Variants in ZNF804B observed in about 807,000 individuals in gnomAD.
The protein encoded by ZNF804B is zinc finger protein 804B.
A neutral mutation model predicts 101.4 loss-of-function variants in ZNF804B; 80 were observed. The ratio of observed to expected loss-of-function variants is 0.79; its 90% confidence interval spans 0.66 to 0.95. The LOEUF (loss-of-function observed/expected upper bound fraction) is 0.95, where lower values mean the gene tolerates loss of function less well. Ranked by LOEUF, ZNF804B falls within the 40% of genes least tolerant of loss-of-function variation. The probability of loss-of-function intolerance (pLI) is 0.00; values close to 1 mark genes in which losing one functional copy is unlikely to be tolerated. For missense variants in ZNF804B, 1,673 were observed against 1,561.9 expected (o/e 1.07, Z -1.20); for synonymous variants, 622 against 558.8 (o/e 1.11, Z -1.59).
intron 1 of ZNF804B, among the ~76,000 whole-genome samples, chr7:89,202,814 A>G (rs1788663895): frequency 6.6e-6 from 1 of 152,014 alleles, no homozygotes; most frequent in Admixed American, 6.6e-5. Flanking sequence ...TCCTGGATTA[A>G]TTTTCTTAAA....
intron 1 of ZNF804B, among the ~76,000 whole-genome samples, chr7:88,901,250 C>T (rs1160216236): frequency 2.0e-5 from 3 of 151,804 alleles, no homozygotes. Flanking sequence ...GCATGTAGGA[C>T]ATTAATTGTA....
rs748168134 is a variant in ZNF804B, at chr7:89,204,393, C to G, written c.109-13762C>G. Among the ~76,000 whole-genome samples the G allele has an allele frequency of 2.6e-5, 4 of 152,156 alleles. No individual in the cohort carries two copies. In the South Asian group the frequency reaches 8.3e-4, roughly 32 times the overall value. On this transcript the variant is annotated intron_variant, in intron 1 of 3. Transcript: ENST00000333190. ...GTAATTACTACCTTTATAAATGGAA[C>G]AGCATTGTGAGTCTGGAGGAAGAAA...
chr7:89,285,599 G>A (rs1401977504), intron 2 of ZNF804B, among the ~76,000 whole-genome samples: 8 of 139,472 alleles, frequency 5.7e-5, no homozygotes, highest in Non-Finnish European at 1.0e-4. Context: ...TTATTGAAGA[G>A]AAGGGATATC....
At chr7:89,130,652 G>A (rs1790533964) in intron 1 of ZNF804B, among the ~76,000 whole-genome samples, 1 of 151,968 alleles carries the variant, frequency 6.6e-6, no homozygotes, top group Non-Finnish European at 1.5e-5. Flanking sequence ...ACGAGACTGG[G>A]ACTGGCCCAT....
chr7:88,791,168 A>G (rs1404482714), intron 1 of ZNF804B, among the ~76,000 whole-genome samples: 1 of 152,110 alleles, frequency 6.6e-6, no homozygotes, highest in Non-Finnish European at 1.5e-5. Context: ...AAAATTAGAT[A>G]TAATTAAAAT....
rs145839390 is a variant in ZNF804B at position 88,771,600 on chromosome 7, CA to C, written c.108+11517del. On this transcript the variant is annotated intron_variant, in intron 1 of 3. Transcript: ENST00000333190. ...TCTCTGTTGCTTCACTTTTCTGTTT[CA>C]CTTTGACTGGCCAAAGCAAACTTAC... Among the ~76,000 whole-genome samples, 1,221 of 152,178 alleles carry C rather than the reference CA, an allele frequency of 8.0e-3. 19 individuals are homozygous for C. The highest frequency in any genetic ancestry group is 0.028 in the African/African-American group (1,158 of 41,540).
At chr7:89,204,051 C>T (rs1439426356) in intron 1 of ZNF804B, among the ~76,000 whole-genome samples, 1 of 152,130 alleles carries the variant, frequency 6.6e-6, no homozygotes, top group East Asian at 1.9e-4. Context: ...ATGGTCATTT[C>T]TCTCATAGAT....
intron 1 of ZNF804B, among the ~76,000 whole-genome samples, chr7:89,016,167 T>C (rs1332838996): frequency 6.8e-4 from 103 of 151,926 alleles, no homozygotes; most frequent in African/African-American, 2.2e-3. Flanking sequence ...GTCCTTTGCC[T>C]ACTTTTTGAT....
At chr7:89,156,637 T>C (rs1790981621) in intron 1 of ZNF804B, among the ~76,000 whole-genome samples, 1 of 152,142 alleles carries the variant, frequency 6.6e-6, no homozygotes, top group African/African-American at 2.4e-5. Context: ...TTTTTTTTTC[T>C]ATCTATATAT....
intron 1 of ZNF804B, among the ~76,000 whole-genome samples, chr7:88,971,364 A>G (rs538156959): frequency 2.8e-4 from 42 of 151,818 alleles, no homozygotes; most frequent in African/African-American, 9.2e-4. Context: ...ACAAAACTCA[A>G]TAAGACAATT....
chr7:89,208,082 G>T (rs6947909), intron 1 of ZNF804B, among the ~76,000 whole-genome samples: 93,973 of 142,064 alleles, frequency 0.66, 31,314 homozygotes, highest in Middle Eastern at 0.7. Flanking sequence ...ATTTTATTGG[G>T]TTTTTTTTTT....
rs1230106143 is a variant in ZNF804B, at chr7:88,780,571, G to A, written c.108+20487G>A. ...CCTGGCTAATTTTTGATTTTTTGTAGAGAAAGGGTTCCACCATATTGCCCA... is the reference window on the plus strand; with the variant it reads ...CCTGGCTAATTTTTGATTTTTTGTAAAGAAAGGGTTCCACCATATTGCCCA... On this transcript the variant is annotated intron_variant, in intron 1 of 3. Transcript: ENST00000333190. Among the ~76,000 whole-genome samples the A allele has an allele frequency of 2.0e-5, 3 of 151,528 alleles. No homozygotes were observed. In the East Asian group the frequency reaches 5.9e-4, roughly 30 times the overall value.
At chr7:88,917,011 T>C (rs1443799980) in intron 1 of ZNF804B, among the ~76,000 whole-genome samples, 1 of 152,162 alleles carries the variant, frequency 6.6e-6, no homozygotes, top group Admixed American at 6.5e-5. Context: ...ACGCCTGTAA[T>C]CCTAGCACTT....
At chr7:89,068,636 G>A (rs1251425589) in intron 1 of ZNF804B, among the ~76,000 whole-genome samples, 1 of 152,136 alleles carries the variant, frequency 6.6e-6, no homozygotes, top group Non-Finnish European at 1.5e-5. Context: ...ATTATAAACG[G>A]GAGATGCTAT....
chr7:89,028,230 C>A (rs561918027), intron 1 of ZNF804B, among the ~76,000 whole-genome samples: 1 of 152,106 alleles, frequency 6.6e-6, no homozygotes, highest in African/African-American at 2.4e-5. Context: ...AATCTTAACC[C>A]AATATTGGCA....
At chr7:88,826,636 GCA>G (rs1433657897) in intron 1 of ZNF804B, among the ~76,000 whole-genome samples, 21 of 46,538 alleles carry the variant, frequency 4.5e-4, no homozygotes, top group African/African-American at 2.3e-3. Context: ...GAATTCCAAA[GCA>G]TCTTTATTTT....
At chr7:89,111,016 C>A (rs2189062) in intron 1 of ZNF804B, among the ~76,000 whole-genome samples, 114,510 of 152,062 alleles carry the variant, frequency 0.75, 44,008 homozygotes, top group African/African-American at 0.91. Context: ...TCTTTCACTT[C>A]GTAATATGAT....
intron 2 of ZNF804B, among the ~76,000 whole-genome samples, chr7:89,260,382 A>G (rs1431944054): frequency 6.6e-6 from 1 of 151,806 alleles, no homozygotes; most frequent in African/African-American, 2.4e-5. Context: ...TTTCCTTGTT[A>G]AAAACCTATT....
At chr7:89,077,039 G>A (rs1310520865) in intron 1 of ZNF804B, among the ~76,000 whole-genome samples, 1 of 123,202 alleles carries the variant, frequency 8.1e-6, no homozygotes, top group Non-Finnish European at 1.8e-5. Flanking sequence ...CATATATGTG[G>A]AGACTGAAGT....
Sources: gnomAD v4.1 joint callset for allele counts (sites outside exome capture counted in the v4.1 genomes callset) on GRCh38, gnomAD v4.1.1 for gene constraint, MANE v1.5 for transcripts, NCBI Gene and HGNC (gene_info 2026-07-23, HGNC 2026-07-21) for gene names.